Variants in ERC1 observed in about 807,000 individuals in gnomAD.
ERC1 encodes ELKS/RAB6-interacting/CAST family member 1, also known as RAB6 interacting protein 2.
In ERC1, 56 loss-of-function variants were observed where a neutral mutation model predicts 132.0. The ratio of observed to expected loss-of-function variants is 0.42; its 90% CI spans 0.34 to 0.53. The LOEUF is 0.53. ERC1 is among the 20% of genes least tolerant of loss of function. The pLI is 0.03. For missense variants in ERC1, 1,202 were observed against 1,349.9 expected, an observed-to-expected ratio of 0.89 and a Z score of 1.72; for synonymous variants, 478 against 476.1, an observed-to-expected ratio of 1.00 and a Z score of -0.05.
chr12:1,289,969 C>T lies in ERC1; in HGVS notation c.2737C>T (p.Arg913Trp), dbSNP rs2079322014. 7 of 1,613,974 alleles carry T rather than the reference C, an allele frequency of 4.3e-6. No homozygotes were observed. Among genetic ancestry groups the T allele is most frequent in the Non-Finnish European group, 5.1e-6 (6 of 1,179,960 alleles). Residue 913 changes from arginine (R) to tryptophan (W), a missense_variant, in exon 15 of 19, where the codon CGG becomes TGG. Transcript: ENST00000360905. ...AAAGGAAACTCACTTGACTAATCTTCGGGCAGAGAGAAGGAAACACTTAGA... is the reference window on the plus strand; with the variant it reads ...AAAGGAAACTCACTTGACTAATCTTTGGGCAGAGAGAAGGAAACACTTAGA... ...AEKETHLTNL[R>W]AERRKHLEEV...
intron 11 of ERC1, among the ~76,000 whole-genome samples, chr12:1,188,997 A>T (rs532573197): frequency 3.9e-4 from 59 of 152,326 alleles, no homozygotes; most frequent in African/African-American, 1.3e-3. Flanking sequence ...CATTAACAAT[A>T]TTAGTTGACT....
chr12:1,309,937 T>TTTTGC (rs1479913858), intron 15 of ERC1, among the ~76,000 whole-genome samples: 2 of 144,302 alleles, frequency 1.4e-5, no homozygotes, highest in Non-Finnish European at 3.0e-5. Flanking sequence ...TTTTCTTTTG[T>TTTTGC]TTTGTTTTGT....
Position 1,156,317 on chromosome 12 carries a change from C to G in ERC1, c.1737+14530C>G, listed in dbSNP as rs546948040. 5.3e-5 allele frequency among the ~76,000 whole-genome samples: 8 copies of G among 152,194 alleles called. No homozygotes were observed. In the South Asian group the frequency reaches 1.2e-3, roughly 24 times the overall value. ...GCAGTGGTGCAATCTTAGCTCACTA[C>G]GGCCTCTGCCTCCCAGGTTCAAACA... On this transcript the variant is annotated intron_variant, in intron 8 of 18. Transcript: ENST00000360905.
At chr12:1,207,602 CTTT>C (rs1411485068) in intron 12 of ERC1, among the ~76,000 whole-genome samples, 2 of 152,122 alleles carry the variant, frequency 1.3e-5, no homozygotes, top group Non-Finnish European at 2.9e-5. Context: ...GTAGTGTACT[CTTT>C]TGAATAACTC....
chr12:1,027,373 T>G (rs1967071392), intron 1 of ERC1: 1 of 151,428 alleles, frequency 6.6e-6, no homozygotes, highest in African/African-American at 2.4e-5. Context: ...ATACTTCTTG[T>G]TTTTTTTTCT....
intron 12 of ERC1, among the ~76,000 whole-genome samples, chr12:1,195,885 C>CG (rs1459146822): frequency 3.4e-5 from 5 of 145,634 alleles, no homozygotes; most frequent in South Asian, 2.5e-4. Context: ...GCCCCCCCCC[C>CG]CCTTTTTTTG....
chr12:1,216,249 T>C (rs537742236), intron 12 of ERC1, among the ~76,000 whole-genome samples: 1 of 152,340 alleles, frequency 6.6e-6, no homozygotes, highest in East Asian at 1.9e-4. Flanking sequence ...TAATGATTTT[T>C]ATTTTATTTT....
chr12:1,109,210 C>T (rs889172143), intron 4 of ERC1, among the ~76,000 whole-genome samples: 1 of 151,900 alleles, frequency 6.6e-6, no homozygotes, highest in Non-Finnish European at 1.5e-5. Context: ...ATCAAGAGAT[C>T]GAATATGAAA....
chr12:1,337,314 C>CT (rs112582528), intron 15 of ERC1, among the ~76,000 whole-genome samples: 10,570 of 142,520 alleles, frequency 0.074, 431 homozygotes, highest in East Asian at 0.13. Context: ...TCTTCTTTTT[C>CT]TTTTTTTTTT....
intron 15 of ERC1, among the ~76,000 whole-genome samples, chr12:1,291,197 G>T (rs1425101565): frequency 6.6e-6 from 1 of 152,174 alleles, no homozygotes; most frequent in African/African-American, 2.4e-5. Context: ...ACGTTCTTGG[G>T]CTATAGTGCA....
intron 16 of ERC1, among the ~76,000 whole-genome samples, chr12:1,393,513 G>C (rs975935901): frequency 3.9e-5 from 6 of 152,058 alleles, no homozygotes; most frequent in African/African-American, 1.4e-4. Context: ...CAGCCTGGGC[G>C]ACAGAGGAGA....
chr12:1,161,111 G>A (rs1024987035), intron 8 of ERC1, among the ~76,000 whole-genome samples: 3 of 152,122 alleles, frequency 2.0e-5, no homozygotes, highest in Non-Finnish European at 4.4e-5. Context: ...TCCTCATTCC[G>A]CATAGTGTTT....
intron 2 of ERC1, among the ~76,000 whole-genome samples, chr12:1,076,217 A>G (rs1271069350): frequency 2.0e-5 from 3 of 152,146 alleles, no homozygotes; most frequent in Admixed American, 6.6e-5. Context: ...TACAACTATG[A>G]AAGATTCTTG....
intron 15 of ERC1, among the ~76,000 whole-genome samples, chr12:1,365,604 A>G (rs1051495587): frequency 2.6e-5 from 4 of 152,198 alleles, no homozygotes; most frequent in South Asian, 2.1e-4. Context: ...AAGACTAGCA[A>G]AGTATATCAG....
At chr12:1,108,053 C>A (rs1162375047) in intron 4 of ERC1, among the ~76,000 whole-genome samples, 1 of 152,132 alleles carries the variant, frequency 6.6e-6, no homozygotes, top group African/African-American at 2.4e-5. Context: ...AATGACTTTC[C>A]TTAAACCCAG....
At chr12:1,357,220 T>G (rs1331514148) in intron 15 of ERC1, among the ~76,000 whole-genome samples, 2 of 152,194 alleles carry the variant, frequency 1.3e-5, no homozygotes, top group Non-Finnish European at 2.9e-5. Flanking sequence ...AGTTGGATCT[T>G]GATTTTGCTG....
chr12:1,408,124 A>C lies in ERC1; in HGVS notation c.2926-25A>C, dbSNP rs535906444. ...TGTCATAGAAACTTTACTTAAATTT[A>C]ACCTTATGAATAATTTCTTCCTAGA... On this transcript the variant is annotated intron_variant, in intron 16 of 18. Transcript: ENST00000360905. 58 of 1,552,638 alleles carry C rather than the reference A, an allele frequency of 3.7e-5. No homozygotes were observed. In the South Asian group the frequency reaches 5.0e-4, roughly 13 times the overall value.
chr12:998,714 GC>G (rs1241126331), intron 1 of ERC1, among the ~76,000 whole-genome samples: 4 of 152,156 alleles, frequency 2.6e-5, no homozygotes, highest in Non-Finnish European at 4.4e-5. Flanking sequence ...ATCACTCATA[GC>G]CATTTCAGGA....
intron 11 of ERC1, among the ~76,000 whole-genome samples, chr12:1,188,534 TA>T (rs1423193358): frequency 6.6e-6 from 1 of 152,206 alleles, no homozygotes; most frequent in Non-Finnish European, 1.5e-5. Context: ...CTTCCAAACT[TA>T]TATGATTTTT....
Sources: allele counts gnomAD v4.1 joint callset (sites outside exome capture counted in the v4.1 genomes callset), GRCh38; gene constraint gnomAD v4.1.1; transcripts MANE v1.5; gene names NCBI Gene and HGNC (gene_info 2026-07-23, HGNC 2026-07-21).